SLC25A13: variants seen among roughly 807,000 people sequenced by gnomAD.
The protein encoded by SLC25A13 is electrogenic aspartate/glutamate antiporter SLC25A13, mitochondrial.
A neutral mutation model predicts 85.5 loss-of-function variants in SLC25A13; 70 were observed. That is an observed-to-expected ratio of 0.82 (90% CI 0.68 to 1.00). SLC25A13 has a LOEUF of 1.00. Ranked by LOEUF, SLC25A13 falls within the 50% of genes least tolerant of loss-of-function variation. The pLI is 0.00. For synonymous variants in SLC25A13, 259 were observed against 288.7 expected (o/e 0.90, Z 1.04); for missense variants, 765 against 819.8 (o/e 0.93, Z 0.82).
chr7:96,308,438 G>A (rs1335273921), intron 1 of SLC25A13, among the ~76,000 whole-genome samples: 1 of 152,196 alleles, frequency 6.6e-6, no homozygotes, highest in African/African-American at 2.4e-5. Context: ...GGCTGAATTA[G>A]CAGCAGGTCT....
At chr7:96,148,062 C>T (rs1213337498) in intron 13 of SLC25A13, among the ~76,000 whole-genome samples, 3 of 151,960 alleles carry the variant, frequency 2.0e-5, no homozygotes, top group African/African-American at 7.3e-5. Flanking sequence ...GAAAGATGTT[C>T]GTTCATTAAC....
At chr7:96,155,587 G>A (rs1380175475) in intron 13 of SLC25A13, among the ~76,000 whole-genome samples, 1 of 152,174 alleles carries the variant, frequency 6.6e-6, no homozygotes, top group Non-Finnish European at 1.5e-5. Flanking sequence ...CTGGAAGGAT[G>A]TGATTTTCCA....
chr7:96,308,037 C>T (rs974149278), intron 1 of SLC25A13, among the ~76,000 whole-genome samples: 12 of 151,642 alleles, frequency 7.9e-5, no homozygotes, highest in Admixed American at 2.0e-4. Flanking sequence ...CCTGTAATCC[C>T]GGCTATTCGG....
Position 96,142,030 on chromosome 7 carries a change from A to C in SLC25A13, c.1452+4526T>G, listed in dbSNP as rs148922364. Among the ~76,000 whole-genome samples the C allele has an allele frequency of 2.6e-5, 4 of 152,370 alleles. No individual in the cohort carries two copies. The East Asian group carries it at 7.7e-4, about 29-fold the overall frequency. On this transcript the variant is annotated intron_variant, in intron 14 of 17. Coordinates refer to ENST00000265631, the MANE Select transcript of SLC25A13 (RefSeq NM_014251.3). ...ACAAAAAAATTTCCATAGTTATTAA[A>C]TAAAATGAGGAAAGAGCTTTAAGAT... is the stretch of plus-strand genomic sequence containing the variant.
chr7:96,181,123 T>C (rs1228455765), intron 11 of SLC25A13, among the ~76,000 whole-genome samples: 2 of 152,196 alleles, frequency 1.3e-5, no homozygotes, highest in Non-Finnish European at 2.9e-5. Flanking sequence ...AGGAAAAAAG[T>C]AGTTTGCACT....
In SLC25A13 at chr7:96,227,454, GT is replaced by G. The variant is rs1436549685; in HGVS notation, c.328+7347del. On this transcript the variant is annotated intron_variant, in intron 4 of 17. Transcript: ENST00000265631. ...GAAATTAATGACTTACTCTAAAATT[GT>G]TTTGATAGTGAATAGGGCCAAGAAT... 3.9e-5 allele frequency among the ~76,000 whole-genome samples: 6 copies of G among 152,252 alleles called. No homozygotes were observed. In the East Asian group the frequency reaches 9.6e-4, roughly 24 times the overall value.
At chr7:96,285,773 C>T (rs1284242899) in intron 2 of SLC25A13, among the ~76,000 whole-genome samples, 3 of 152,166 alleles carry the variant, frequency 2.0e-5, no homozygotes, top group East Asian at 1.9e-4. Context: ...ATCTTTTGCA[C>T]CTCCCACTCA....
intron 14 of SLC25A13, among the ~76,000 whole-genome samples, chr7:96,137,128 C>T (rs1792320766): frequency 6.6e-6 from 1 of 152,138 alleles, no homozygotes; most frequent in South Asian, 2.1e-4. Flanking sequence ...GCCTCTCCAG[C>T]CCAGTCAAAG....
At chr7:96,205,984 C>T (rs1795446039) in intron 5 of SLC25A13, among the ~76,000 whole-genome samples, 1 of 151,890 alleles carries the variant, frequency 6.6e-6, no homozygotes, top group Non-Finnish European at 1.5e-5. Flanking sequence ...TGCACTGCCC[C>T]ACCAATCACA....
chr7:96,236,423 C>A (rs1220902039), intron 3 of SLC25A13, among the ~76,000 whole-genome samples: 2 of 152,044 alleles, frequency 1.3e-5, no homozygotes, highest in Non-Finnish European at 2.9e-5. Context: ...CATGAGCACA[C>A]ATAACCACTA....
At position 96,277,211 on chromosome 7, in the gene SLC25A13, T is replaced by C. The variant is rs1275280896; in HGVS notation, c.197A>G (p.Asp66Gly). 2 of 1,598,002 alleles carry C rather than the reference T, an allele frequency of 1.3e-6. No homozygotes were observed. The highest frequency in any genetic ancestry group is 1.3e-5 in the African/African-American group (1 of 74,452). ...KTVELLSGVVDQTKDGLISFQ... is the reference protein window; with the variant it reads ...KTVELLSGVVGQTKDGLISFQ... ...ATAAACATACCCATCTTTGGTCTGA[T>C]CCACCACTCCACTTAAAAGTTCCAC... Residue 66 changes from aspartate (D) to glycine (G), a missense_variant, in exon 3 of 18, where the codon GAT (aspartate) becomes GGT (glycine). Asp to Gly is a moderately conservative substitution (Grantham distance 94, BLOSUM62 -1). Coordinates refer to ENST00000265631, the MANE Select transcript of SLC25A13 (RefSeq NM_014251.3).
At chr7:96,253,640 G>A (rs374170480) in intron 3 of SLC25A13, among the ~76,000 whole-genome samples, 5 of 152,256 alleles carry the variant, frequency 3.3e-5, no homozygotes, top group African/African-American at 4.8e-5. Context: ...CTATAACATC[G>A]AAGCCCTTTC....
At chr7:96,252,113 G>C (rs1438155209) in intron 3 of SLC25A13, among the ~76,000 whole-genome samples, 2 of 152,172 alleles carry the variant, frequency 1.3e-5, no homozygotes, top group Admixed American at 6.5e-5. Context: ...TTGGGGACTT[G>C]AGTCCAGACT....
chr7:96,202,645 T>C (rs1385850200), intron 5 of SLC25A13, among the ~76,000 whole-genome samples: 1 of 152,152 alleles, frequency 6.6e-6, no homozygotes, highest in Non-Finnish European at 1.5e-5. Flanking sequence ...ACAAAATTCC[T>C]TCAAAAAACC....
At chr7:96,268,539 T>C (rs1798118855) in intron 3 of SLC25A13, among the ~76,000 whole-genome samples, 1 of 152,040 alleles carries the variant, frequency 6.6e-6, no homozygotes, top group Non-Finnish European at 1.5e-5. Context: ...ACTCAAAGTC[T>C]CCTCTCATCT....
chr7:96,319,509 T>G (rs1473112331), intron 1 of SLC25A13, among the ~76,000 whole-genome samples: 1 of 120,320 alleles, frequency 8.3e-6, no homozygotes, highest in African/African-American at 3.3e-5. Flanking sequence ...GCCACTGCAC[T>G]CCAGCCTGGC....
At chr7:96,136,133 A>G (rs778547685) in intron 14 of SLC25A13, among the ~76,000 whole-genome samples, 7 of 152,192 alleles carry the variant, frequency 4.6e-5, no homozygotes, top group Admixed American at 4.6e-4. Flanking sequence ...TAGTTTAATT[A>G]TCAACTCTGC....
intron 13 of SLC25A13, among the ~76,000 whole-genome samples, chr7:96,155,811 C>T (rs1222877849): frequency 6.6e-6 from 1 of 152,198 alleles, no homozygotes; most frequent in Non-Finnish European, 1.5e-5. Context: ...TCACAGACAT[C>T]ATCTCCTTCA....
At chr7:96,192,950 A>G in intron 6 of SLC25A13, 87 bp downstream of exon 6, 1 of 1,445,768 alleles carries the variant, frequency 6.9e-7, no homozygotes, top group Non-Finnish European at 9.7e-7. Context: ...GCAACAGAAA[A>G]AAAACACTAC....
Sources: gnomAD v4.1 joint callset for allele counts (sites outside exome capture counted in the v4.1 genomes callset) on GRCh38, gnomAD v4.1.1 for gene constraint, MANE v1.5 for transcripts, NCBI Gene and HGNC (gene_info 2026-07-23, HGNC 2026-07-21) for gene names.